HEMK2: variants seen among roughly 807,000 people sequenced by gnomAD.
HEMK2 encodes methyltransferase HEMK2.
chr21:28,646,821 C>T, the HEMK2 span, among the ~76,000 whole-genome samples: 1 of 152,158 alleles, frequency 6.6e-6, no homozygotes, highest in Non-Finnish European at 1.5e-5. Flanking sequence ...TTGGTTGGGG[C>T]ATGGCAAGTC....
the HEMK2 span, among the ~76,000 whole-genome samples, chr21:28,575,607 T>G: frequency 6.6e-6 from 1 of 152,224 alleles, no homozygotes; most frequent in African/African-American, 2.4e-5. Flanking sequence ...GTGGATTTTT[T>G]TTGTCTTTTT....
the HEMK2 span, among the ~76,000 whole-genome samples, chr21:28,730,500 G>A: frequency 1.3e-5 from 2 of 152,036 alleles, no homozygotes; most frequent in East Asian, 3.9e-4. Flanking sequence ...CTATAATCAA[G>A]GTGTTGGCCA....
the HEMK2 span, among the ~76,000 whole-genome samples, chr21:28,728,658 C>A: frequency 6.6e-6 from 1 of 152,104 alleles, no homozygotes; most frequent in South Asian, 2.1e-4. Flanking sequence ...TTTTGGTGAG[C>A]CTAATGATTT....
the HEMK2 span, among the ~76,000 whole-genome samples, chr21:28,838,836 G>A: frequency 6.7e-6 from 1 of 149,040 alleles, no homozygotes; most frequent in East Asian, 2.0e-4. Flanking sequence ...CTACTCGGGA[G>A]GCTGAGGCAG....
chr21:28,704,712 A>C, the HEMK2 span, among the ~76,000 whole-genome samples: 2 of 152,218 alleles, frequency 1.3e-5, no homozygotes, highest in African/African-American at 4.8e-5. Flanking sequence ...GGTCATTCAT[A>C]GGAAAACTGT....
At chr21:28,696,199 C>T in the HEMK2 span, among the ~76,000 whole-genome samples, 1 of 152,154 alleles carries the variant, frequency 6.6e-6, no homozygotes, top group Non-Finnish European at 1.5e-5. Context: ...TCAATTATCT[C>T]CCATCAGGTC....
chr21:28,838,207 C>T, the HEMK2 span, among the ~76,000 whole-genome samples: 1 of 152,108 alleles, frequency 6.6e-6, no homozygotes. Context: ...CAGCATTACC[C>T]TAATGCCAAA....
chr21:28,626,478 A>G, the HEMK2 span: 1 of 152,202 alleles, frequency 6.6e-6, no homozygotes, highest in African/African-American at 2.4e-5. Flanking sequence ...AAATACATAT[A>G]TTCAAAAAGA....
chr21:28,687,445 C>T, the HEMK2 span, among the ~76,000 whole-genome samples: 1 of 152,160 alleles, frequency 6.6e-6, no homozygotes, highest in Admixed American at 6.5e-5. Context: ...AGGAATCCTA[C>T]AAACCTGTGA....
At chr21:28,788,965 C>A in the HEMK2 span, among the ~76,000 whole-genome samples, 1 of 151,984 alleles carries the variant, frequency 6.6e-6, no homozygotes, top group Non-Finnish European at 1.5e-5. Context: ...CCAGGGAATG[C>A]CAAGGATTGC....
the HEMK2 span, among the ~76,000 whole-genome samples, chr21:28,613,117 TAGAC>T: frequency 1.4e-4 from 21 of 151,080 alleles, no homozygotes; most frequent in Middle Eastern, 3.4e-3. Flanking sequence ...GATAGATAGA[TAGAC>T]AGATCTACAG....
At chr21:28,592,428 G>A in the HEMK2 span, among the ~76,000 whole-genome samples, 1 of 152,232 alleles carries the variant, frequency 6.6e-6, no homozygotes, top group East Asian at 1.9e-4. Flanking sequence ...TCATTAACAC[G>A]GCAGAAAAAC....
chr21:28,632,522 G>A, the HEMK2 span, among the ~76,000 whole-genome samples: 1 of 152,276 alleles, frequency 6.6e-6, no homozygotes, highest in Admixed American at 6.5e-5. Context: ...AGCATAAGAT[G>A]TTTTCATTTT....
the HEMK2 span, among the ~76,000 whole-genome samples, chr21:28,704,524 C>T: frequency 6.7e-6 from 1 of 148,706 alleles, no homozygotes; most frequent in Non-Finnish European, 1.5e-5. Context: ...TTTCTTCATA[C>T]CATGATATTC....
the HEMK2 span, among the ~76,000 whole-genome samples, chr21:28,639,316 C>T: frequency 2.0e-5 from 3 of 152,164 alleles, no homozygotes; most frequent in African/African-American, 4.8e-5. Flanking sequence ...ATGGCCAATC[C>T]TTATGCAAGT....
chr21:28,634,291 G>A, the HEMK2 span, among the ~76,000 whole-genome samples: 11 of 152,152 alleles, frequency 7.2e-5, no homozygotes, highest in African/African-American at 2.7e-4. Context: ...CTGAGCTTGG[G>A]AAGCAGGTAT....
the HEMK2 span, among the ~76,000 whole-genome samples, chr21:28,598,120 G>T: frequency 6.6e-6 from 1 of 152,154 alleles, no homozygotes; most frequent in East Asian, 1.9e-4. Flanking sequence ...TCACTCAACA[G>T]GCCTGGGTTG....
chr21:28,850,375 C>A, the HEMK2 span, among the ~76,000 whole-genome samples: 1 of 152,040 alleles, frequency 6.6e-6, no homozygotes, highest in Admixed American at 6.6e-5. Flanking sequence ...CAGGCGCCCG[C>A]CACCACGCCC....
At chr21:28,804,977 C>A in the HEMK2 span, among the ~76,000 whole-genome samples, 4 of 152,196 alleles carry the variant, frequency 2.6e-5, no homozygotes, top group African/African-American at 7.2e-5. Flanking sequence ...GCTTACCAGG[C>A]CCCACCCCTG....
Sources: allele counts gnomAD v4.1 joint callset (sites outside exome capture counted in the v4.1 genomes callset), GRCh38; gene constraint gnomAD v4.1.1; transcripts MANE v1.5; gene names NCBI Gene and HGNC (gene_info 2026-07-23, HGNC 2026-07-21).